The following CSTPP1 variants were observed in gnomAD, a reference collection of about 807,000 sequenced individuals.
CSTPP1 encodes centriolar satellite-associated tubulin polyglutamylase complex regulator 1.
chr11:47,029,984 G>A, the CSTPP1 span, among the ~76,000 whole-genome samples: 7 of 151,646 alleles, frequency 4.6e-5, no homozygotes, highest in South Asian at 2.1e-4. Context: ...AAAATTAGCC[G>A]GGCATGGTGG....
chr11:47,134,937 C>T, the CSTPP1 span, among the ~76,000 whole-genome samples: 3 of 151,942 alleles, frequency 2.0e-5, no homozygotes, highest in Non-Finnish European at 2.9e-5. Flanking sequence ...CACGAGACCC[C>T]GTCTCTACAA....
the CSTPP1 span, among the ~76,000 whole-genome samples, chr11:46,998,352 C>CAACA: frequency 6.6e-6 from 1 of 152,102 alleles, no homozygotes; most frequent in African/African-American, 2.4e-5. Flanking sequence ...TTTTATCTAC[C>CAACA]AACACACTGT....
chr11:47,132,322 G>T, the CSTPP1 span, among the ~76,000 whole-genome samples: 1 of 152,128 alleles, frequency 6.6e-6, no homozygotes, highest in East Asian at 1.9e-4. Context: ...CCTTCAACAG[G>T]TGTTTACTGC....
the CSTPP1 span, chr11:47,164,229 T>C: frequency 1.9e-6 from 3 of 1,613,284 alleles, no homozygotes; most frequent in Non-Finnish European, 2.5e-6. Context: ...GCCCTACCAT[T>C]ACCGGTGGGA....
the CSTPP1 span, among the ~76,000 whole-genome samples, chr11:47,058,958 A>T: frequency 6.6e-6 from 1 of 152,234 alleles, no homozygotes; most frequent in Non-Finnish European, 1.5e-5. Flanking sequence ...CCCATCAATG[A>T]TAGACTGGAT....
the CSTPP1 span, chr11:47,164,186 C>T: frequency 6.2e-7 from 1 of 1,613,838 alleles, no homozygotes; most frequent in East Asian, 2.2e-5. Flanking sequence ...AGCAGGAGGC[C>T]CTGGAGAGAG....
chr11:47,137,857 T>C, the CSTPP1 span: 4 of 843,610 alleles, frequency 4.7e-6, no homozygotes, highest in Non-Finnish European at 7.5e-6. Flanking sequence ...GAGAGGGGTC[T>C]ATTTGGGATG....
chr11:47,112,158 C>T, the CSTPP1 span, among the ~76,000 whole-genome samples: 2 of 152,172 alleles, frequency 1.3e-5, no homozygotes, highest in Non-Finnish European at 2.9e-5. Context: ...TTGAGTGTTA[C>T]CTTCTCCATT....
At chr11:46,964,656 T>C in the CSTPP1 span, among the ~76,000 whole-genome samples, 1 of 152,198 alleles carries the variant, frequency 6.6e-6, no homozygotes, top group Non-Finnish European at 1.5e-5. Context: ...ATTCTCAAAC[T>C]TTTTGGTTTC....
chr11:46,947,049 T>C, the CSTPP1 span, among the ~76,000 whole-genome samples: 1 of 152,264 alleles, frequency 6.6e-6, no homozygotes, highest in African/African-American at 2.4e-5. Context: ...CTGCTCTGGA[T>C]CTTTTCGGTT....
chr11:47,099,805 T>C, the CSTPP1 span, among the ~76,000 whole-genome samples: 1 of 152,242 alleles, frequency 6.6e-6, no homozygotes, highest in African/African-American at 2.4e-5. Flanking sequence ...TGACTAGTTA[T>C]GTTGGTAGAA....
chr11:46,949,243 A>T, the CSTPP1 span, among the ~76,000 whole-genome samples: 1 of 152,264 alleles, frequency 6.6e-6, no homozygotes, highest in Non-Finnish European at 1.5e-5. Flanking sequence ...GTATCTTAAG[A>T]GTAAACTATT....
At chr11:47,158,067 CAGGA>C in the CSTPP1 span, 1 of 706,388 alleles carries the variant, frequency 1.4e-6, no homozygotes, top group Middle Eastern at 3.5e-4. Context: ...TCCCAGGGAG[CAGGA>C]ATATGGCGAC....
At chr11:47,137,619 T>C in the CSTPP1 span, 6 of 1,614,072 alleles carry the variant, frequency 3.7e-6, no homozygotes, top group Admixed American at 3.3e-5. Context: ...AGAGACCTAA[T>C]GTGTTCCTCT....
the CSTPP1 span, among the ~76,000 whole-genome samples, chr11:47,081,827 A>C: frequency 1.3e-5 from 2 of 152,126 alleles, no homozygotes; most frequent in Non-Finnish European, 2.9e-5. Flanking sequence ...ACAGTGGCTC[A>C]TACCTGTAAT....
the CSTPP1 span, chr11:47,164,138 C>G: frequency 1.9e-6 from 3 of 1,613,906 alleles, no homozygotes; most frequent in East Asian, 2.2e-5. Flanking sequence ...AGCACAGAGC[C>G]AAGGAGCCAG....
chr11:46,964,312 G>A, the CSTPP1 span, among the ~76,000 whole-genome samples: 4 of 148,944 alleles, frequency 2.7e-5, no homozygotes. Flanking sequence ...TTGAAATGGA[G>A]TCTCGCTCTG....
chr11:47,042,296 A>G, the CSTPP1 span, among the ~76,000 whole-genome samples: 22 of 151,636 alleles, frequency 1.5e-4, no homozygotes, highest in African/African-American at 7.3e-5. Flanking sequence ...ATTTTTAGGA[A>G]TTCCTTATTT....
the CSTPP1 span, among the ~76,000 whole-genome samples, chr11:47,055,053 A>G: frequency 5.7e-5 from 8 of 140,178 alleles, no homozygotes; most frequent in African/African-American, 1.6e-4. Context: ...TGATCCTCCC[A>G]CCTCAAGTAG....
Sources: gnomAD v4.1 joint callset for allele counts (sites outside exome capture counted in the v4.1 genomes callset) on GRCh38, gnomAD v4.1.1 for gene constraint, MANE v1.5 for transcripts, NCBI Gene and HGNC (gene_info 2026-07-23, HGNC 2026-07-21) for gene names.